The following RTN1 variants were observed in gnomAD, a reference collection of about 807,000 sequenced individuals.
The protein encoded by RTN1 is reticulon 1, also known as reticulon-1.
Under a neutral mutation model 65.5 loss-of-function variants are expected in RTN1, and 25 were observed. The observed-to-expected ratio is 0.38, with a 90% CI of 0.28 to 0.53. The LOEUF is 0.53. RTN1 is among the 20% of genes least tolerant of loss of function. RTN1 has a pLI of 0.79. For synonymous variants in RTN1, 471 were observed against 447.6 expected, an observed-to-expected ratio of 1.05 and a Z score of -0.66; for missense variants, 983 against 1,025.4, an observed-to-expected ratio of 0.96 and a Z score of 0.57.
chr14:59,780,742 A>G (rs1038637304), intron 1 of RTN1, among the ~76,000 whole-genome samples: 4 of 152,254 alleles, frequency 2.6e-5, no homozygotes, highest in Non-Finnish European at 4.4e-5. Context: ...TTGCCACAAC[A>G]TAAGTTCATT....
At chr14:59,828,889 G>A (rs929412933) in intron 1 of RTN1, among the ~76,000 whole-genome samples, 1 of 152,140 alleles carries the variant, frequency 6.6e-6, no homozygotes, top group African/African-American at 2.4e-5. Flanking sequence ...TGGCAAATAA[G>A]GAATGTGGCC....
intron 1 of RTN1, among the ~76,000 whole-genome samples, chr14:59,765,408 T>C (rs887045540): frequency 1.3e-5 from 2 of 152,186 alleles, no homozygotes; most frequent in African/African-American, 4.8e-5. Flanking sequence ...GGTAATGAAT[T>C]TCCAAGGACA....
chr14:59,722,964 A>C (rs1449423611), intron 3 of RTN1, among the ~76,000 whole-genome samples: 2 of 151,540 alleles, frequency 1.3e-5, no homozygotes, highest in African/African-American at 2.4e-5. Context: ...CACCCAACTA[A>C]TTTTTGTATT....
chr14:59,816,490 A>C lies in RTN1; in HGVS notation c.241+53900T>G, dbSNP rs1232614977. Among the ~76,000 whole-genome samples, 1 of 152,188 alleles carries C rather than the reference A, an allele frequency of 6.6e-6. No homozygotes were observed. Among genetic ancestry groups the C allele is most frequent in the African/African-American group, 2.4e-5 (1 of 41,430 alleles). On this transcript the variant is annotated intron_variant, in intron 1 of 8. Coordinates refer to ENST00000267484, the MANE Select transcript of RTN1 (RefSeq NM_021136.3). This position sits in a 1 kb window ranked among gnomAD's most constrained non-coding sequence, Gnocchi z 4.3. ...CTCCAGCACTCACACAGCACCTGAG[A>C]CACAGTAGGAGGCTTAATAAATATT...
chr14:59,687,036 T>C (rs1252953167), intron 3 of RTN1, among the ~76,000 whole-genome samples: 1 of 152,182 alleles, frequency 6.6e-6, no homozygotes, highest in Non-Finnish European at 1.5e-5. Context: ...GGTGCTGGAA[T>C]TGTGCTTTCT....
Position 59,630,520 on chromosome 14 carries a change from G to A in RTN1, c.1766-23028C>T, listed in dbSNP as rs28491632. 7,266 of 1,613,572 alleles carry A rather than the reference G, an allele frequency of 4.5e-3. 247 individuals carry two copies. In the African/African-American group the frequency reaches 0.078, roughly 17 times the overall value. On this transcript the variant is annotated intron_variant, in intron 3 of 8. Transcript: ENST00000267484. ...AGTGGCCTGCATCGTGCGGGCTTTG[G>A]GGGCTCGCCGTGGCTCTCCTCGGGG...
At chr14:59,750,242 T>TAG in intron 1 of RTN1, among the ~76,000 whole-genome samples, 4 of 74,936 alleles carry the variant, frequency 5.3e-5, no homozygotes, top group Admixed American at 2.5e-4. Flanking sequence ...ATATATATTA[T>TAG]ATCTATAATA....
Position 59,849,500 on chromosome 14 carries a change from C to T in RTN1, c.241+20890G>A, listed in dbSNP as rs1391320166. 2.0e-5 allele frequency among the ~76,000 whole-genome samples: 3 copies of T among 152,150 alleles called. No individual in the cohort carries two copies. Among genetic ancestry groups the T allele is most frequent in the African/African-American group, 7.2e-5 (3 of 41,420 alleles). On this transcript the variant is annotated intron_variant, in intron 1 of 8. Transcript: ENST00000267484. The surrounding 1 kb of genome is among the most constrained non-coding windows in gnomAD (Gnocchi z 4.5). ...AGGGAAAACCCTCAGCTAAATTCTT[C>T]TCCATTTAGATAAAGTTAATATGAG...
At chr14:59,815,074 T>A (rs1318412679) in intron 1 of RTN1, among the ~76,000 whole-genome samples, 1 of 152,244 alleles carries the variant, frequency 6.6e-6, no homozygotes. Context: ...ACAGGGCATG[T>A]AATATATTAC....
At chr14:59,671,113 AGG>A (rs994826710) in intron 3 of RTN1, among the ~76,000 whole-genome samples, 1 of 152,204 alleles carries the variant, frequency 6.6e-6, no homozygotes, top group Non-Finnish European at 1.5e-5. Flanking sequence ...AAGTGTACAT[AGG>A]GAGGAGGGAG....
chr14:59,608,509 A>C (rs1474706621), intron 3 of RTN1, among the ~76,000 whole-genome samples: 1 of 152,246 alleles, frequency 6.6e-6, no homozygotes, highest in Non-Finnish European at 1.5e-5. Flanking sequence ...ATGACAATGC[A>C]AGGCAATAGA....
intron 3 of RTN1, among the ~76,000 whole-genome samples, chr14:59,668,853 A>C (rs1328676199): frequency 6.6e-6 from 1 of 152,240 alleles, no homozygotes; most frequent in Non-Finnish European, 1.5e-5. Flanking sequence ...CACATGAAAA[A>C]ATGCTCATCG....
At chr14:59,677,144 C>A (rs1883643858) in intron 3 of RTN1, among the ~76,000 whole-genome samples, 1 of 152,214 alleles carries the variant, frequency 6.6e-6, no homozygotes, top group Non-Finnish European at 1.5e-5. Flanking sequence ...TGCTTTCTGA[C>A]CCTCTTCTTC....
intron 1 of RTN1, among the ~76,000 whole-genome samples, chr14:59,752,437 C>T (rs1449826687): frequency 2.6e-5 from 4 of 152,006 alleles, no homozygotes; most frequent in Non-Finnish European, 5.9e-5. Context: ...TCCCAAAGGC[C>T]CGACTCCAGA....
chr14:59,869,538 C>A (rs1287674311), intron 1 of RTN1, among the ~76,000 whole-genome samples: 1 of 127,702 alleles, frequency 7.8e-6, no homozygotes, highest in Non-Finnish European at 1.6e-5. Context: ...TTGAATAGGG[C>A]GTCAGGCGAA....
chr14:59,798,472 G>A (rs895512138), intron 1 of RTN1, among the ~76,000 whole-genome samples: 1 of 152,162 alleles, frequency 6.6e-6, no homozygotes, highest in African/African-American at 2.4e-5. Context: ...TTAGTAGCAT[G>A]GGTTCTTTAG....
chr14:59,777,015 C>T (rs902639526), intron 1 of RTN1, among the ~76,000 whole-genome samples: 3 of 152,150 alleles, frequency 2.0e-5, no homozygotes, highest in African/African-American at 4.8e-5. Flanking sequence ...AAGGCTACAA[C>T]AGGCAAGCGT....
At chr14:59,754,155 G>A (rs185492200) in intron 1 of RTN1, among the ~76,000 whole-genome samples, 2 of 152,284 alleles carry the variant, frequency 1.3e-5, no homozygotes, top group Non-Finnish European at 2.9e-5. Flanking sequence ...ACCTAAGTAG[G>A]AGAAGGATGA....
intron 8 of RTN1, among the ~76,000 whole-genome samples, chr14:59,599,988 T>C (rs774486166): frequency 1.8e-4 from 27 of 152,348 alleles, no homozygotes; most frequent in Non-Finnish European, 2.6e-4. Flanking sequence ...GATTTCTTAT[T>C]ATGGTCTCAC....
Sources: gnomAD v4.1 joint callset for allele counts (sites outside exome capture counted in the v4.1 genomes callset) on GRCh38, gnomAD v4.1.1 for gene constraint, Gnocchi (gnomAD v3.1) non-coding constraint, MANE v1.5 for transcripts, NCBI Gene and HGNC (gene_info 2026-07-23, HGNC 2026-07-21) for gene names.